Variants in ARPC3 observed in about 807,000 individuals in gnomAD.
ARPC3 encodes the protein actin-related protein 2/3 complex subunit 3.
In ARPC3, 12 loss-of-function variants were observed where a neutral mutation model predicts 27.6. That is an observed-to-expected ratio of 0.43 (90% CI 0.28 to 0.70). ARPC3 has a LOEUF of 0.70. Among genes scored for constraint, ARPC3 ranks in the 30% least tolerant of loss-of-function variants. The probability of loss-of-function intolerance (pLI) is 0.17; values close to 1 mark genes in which losing one functional copy is unlikely to be tolerated. For missense variants in ARPC3, 153 were observed against 207.7 expected, an observed-to-expected ratio of 0.74 and a Z score of 1.62; for synonymous variants, 53 against 67.2, an observed-to-expected ratio of 0.79 and a Z score of 1.03.
chr12:110,435,294 TTCACATTAGTCTGGAA>T, intron 6 of ARPC3, 77 bp from the exon 7 acceptor site: 1 of 1,155,654 alleles, frequency 8.7e-7, no homozygotes, highest in Non-Finnish European at 1.3e-6. Flanking sequence ...ATAATAAAAT[TTCACATTAGTCTGGAA>T]TCTCTTATAA....
At chr12:110,437,029 TA>T in intron 4 of ARPC3, 54 bp downstream of exon 4, 1 of 1,192,338 alleles carries the variant, frequency 8.4e-7, no homozygotes, top group Non-Finnish European at 1.3e-6. Flanking sequence ...ACTGGGAGGG[TA>T]AATGCCTCTC....
chr12:110,435,835 A>G (rs111874190), intron 6 of ARPC3, among the ~76,000 whole-genome samples: 2,978 of 151,866 alleles, frequency 0.02, 100 homozygotes, highest in African/African-American at 0.068. Context: ...CATGTTGGCC[A>G]GGCTGGTCTC....
At chr12:110,444,822 T>C (rs910420396) in intron 2 of ARPC3, 1 of 152,598 alleles carries the variant, frequency 6.6e-6, no homozygotes, top group Non-Finnish European at 1.5e-5. Flanking sequence ...TTGGAAACCA[T>C]GAATGGAATT....
rs375143841 is a variant in ARPC3, at chr12:110,435,227, G to C, written c.475-10C>G. 3 of 1,608,612 alleles carry C rather than the reference G, an allele frequency of 1.9e-6. No individual in the cohort carries two copies. Among genetic ancestry groups the C allele is most frequent in the East Asian group, 2.2e-5 (1 of 44,866 alleles). On this transcript the variant is annotated splice_polypyrimidine_tract_variant and intron_variant, in intron 6 of 6. Coordinates refer to ENST00000228825, the MANE Select transcript of ARPC3 (RefSeq NM_001278556.2). ...CAAAGCAAGTCCACCACTAACAAGA[G>C]AGAACAACACAGAATGAACAGCGGG...
intron 5 of ARPC3, 124 bp downstream of exon 5, chr12:110,436,433 T>C: frequency 1.3e-6 from 2 of 1,493,880 alleles, no homozygotes; most frequent in East Asian, 4.5e-5. Context: ...AATAAGATAA[T>C]GTACTTCCTA....
intron 1 of ARPC3, among the ~76,000 whole-genome samples, chr12:110,449,356 G>A (rs1297866649): frequency 6.6e-6 from 1 of 151,736 alleles, no homozygotes; most frequent in Non-Finnish European, 1.5e-5. Flanking sequence ...GAGGTCTGGA[G>A]TTCCAGACCA....
chr12:110,449,294 G>A (rs1247629236), intron 1 of ARPC3, among the ~76,000 whole-genome samples: 1 of 151,904 alleles, frequency 6.6e-6, no homozygotes, highest in African/African-American at 2.4e-5. Flanking sequence ...TGGGCGCGAT[G>A]GCTCACGCTT....
intron 1 of ARPC3, among the ~76,000 whole-genome samples, chr12:110,448,695 T>C (rs2062479158): frequency 6.8e-6 from 1 of 146,848 alleles, no homozygotes; most frequent in African/African-American, 2.5e-5. Flanking sequence ...TTGCTCCTTT[T>C]CATCACAGGT....
intron 3 of ARPC3, among the ~76,000 whole-genome samples, chr12:110,438,523 C>T (rs73206894): frequency 0.14 from 21,045 of 149,878 alleles, 2,187 homozygotes; most frequent in African/African-American, 0.29. Context: ...CACTTGAACC[C>T]GGGAGTCGAG....
Position 110,436,617 on chromosome 12 carries a change from C to T in ARPC3, c.319G>A (p.Gly107Arg), listed in dbSNP as rs775436792. 1 of 1,612,882 alleles carries T rather than the reference C, an allele frequency of 6.2e-7. No individual in the cohort carries two copies. Among genetic ancestry groups the T allele is most frequent in the South Asian group, 1.1e-5 (1 of 91,052 alleles). Residue 107 changes from glycine to arginine, a missense_variant, in exon 5 of 7, where the codon GGA becomes AGA. Gly to Arg is a moderately radical substitution (Grantham distance 125). Transcript: ENST00000228825. ...TLGITNFPIP[G>R]EPGFPLNAIY... The stretch of plus-strand genomic sequence containing the variant: ...GCGTTAAGTGGAAAACCAGGCTCTC[C>T]AGGAATGGGAAAATTAGTGATTCCC...
Position 110,450,205 on chromosome 12 carries a change from TGCTCTTC to T in ARPC3, c.6+43_6+49del, listed in dbSNP as rs748549495. 70 of 1,613,010 alleles carry T rather than the reference TGCTCTTC, an allele frequency of 4.3e-5. No individual in the cohort carries two copies. The African/African-American group carries it at 8.7e-4, about 20-fold the overall frequency. ...TCTCGGCACACACACGGTTTCTCTC[TGCTCTTC>T]GCAATCCCCGCTGTCTCCCCACACC... On this transcript the variant is annotated intron_variant, in intron 1 of 6. Transcript: ENST00000228825.
chr12:110,450,292 G>A lies in ARPC3; in HGVS notation c.-32C>T, dbSNP rs1253098031. On this transcript the variant is annotated 5_prime_UTR_variant, in exon 1 of 7. Coordinates refer to ENST00000228825, the MANE Select transcript of ARPC3 (RefSeq NM_001278556.2). ...GGCGCCCGGGTTTCAACCCAGAGGA[G>A]CAGGATCCAGGTACAGCGGAGCGCT... The A allele has an allele frequency of 6.2e-7, 1 of 1,613,956 alleles. No individual in the cohort carries two copies. Among genetic ancestry groups the A allele is most frequent in the South Asian group, 1.1e-5 (1 of 91,052 alleles).
At chr12:110,438,853 G>A (rs2062420168) in intron 3 of ARPC3, among the ~76,000 whole-genome samples, 1 of 151,700 alleles carries the variant, frequency 6.6e-6, no homozygotes. Flanking sequence ...ATGTTGGTCA[G>A]GCTGGTCTCA....
intron 1 of ARPC3, among the ~76,000 whole-genome samples, chr12:110,448,787 G>T (rs566208282): frequency 6.5e-5 from 7 of 107,604 alleles, no homozygotes; most frequent in African/African-American, 1.9e-4. Flanking sequence ...CCGGGGGGGG[G>T]GGGGGTGGTG....
intron 1 of ARPC3, among the ~76,000 whole-genome samples, chr12:110,447,886 CT>C (rs796202139): frequency 5.2e-3 from 557 of 107,192 alleles, no homozygotes; most frequent in Middle Eastern, 0.011. Flanking sequence ...ATTTAGAGTC[CT>C]TTTTTTTTTT....
At chr12:110,436,386 T>A in intron 5 of ARPC3, 171 bp downstream of exon 5, 1 of 1,256,060 alleles carries the variant, frequency 8.0e-7, no homozygotes, top group East Asian at 2.4e-5. Flanking sequence ...TTTCTGCATG[T>A]CATCCTTGTT....
intron 2 of ARPC3, chr12:110,442,848 A>G (rs2062445773): frequency 6.6e-6 from 1 of 152,160 alleles, no homozygotes; most frequent in Non-Finnish European, 1.5e-5. Context: ...GACAGATCTC[A>G]TGACACAATT....
intron 1 of ARPC3, among the ~76,000 whole-genome samples, chr12:110,448,146 T>C (rs997744775): frequency 2.6e-5 from 4 of 151,914 alleles, no homozygotes; most frequent in Admixed American, 1.3e-4. Context: ...TCCTAAAGTG[T>C]TGGGATTACA....
Position 110,450,154 on chromosome 12 carries a change from CCTCT to C in ARPC3, c.6+97_6+100del, listed in dbSNP as rs1476722707. 3.1e-5 allele frequency: 48 copies of C among 1,530,144 alleles called. No individual in the cohort carries two copies. The African/African-American group carries it at 4.6e-4, about 15-fold the overall frequency. 94.8% of individuals were successfully genotyped at this position (1,530,144 alleles called of 1,614,324 possible). ...CTCCCTCCTTCTCGGGCCCCAGCTT[CCTCT>C]CTGCCTTCCGCCGCCCGCTTCTCTC... On this transcript the variant is annotated intron_variant, in intron 1 of 6. Coordinates refer to ENST00000228825, the MANE Select transcript of ARPC3 (RefSeq NM_001278556.2).
Sources: gnomAD v4.1 joint callset for allele counts (sites outside exome capture counted in the v4.1 genomes callset) on GRCh38, gnomAD v4.1.1 for gene constraint, MANE v1.5 for transcripts, NCBI Gene and HGNC (gene_info 2026-07-23, HGNC 2026-07-21) for gene names.